SRGAP1: variants seen among roughly 807,000 people sequenced by gnomAD.
The protein encoded by SRGAP1 is SLIT-ROBO Rho GTPase-activating protein 1.
In SRGAP1, 43 loss-of-function variants were observed where a neutral mutation model predicts 121.9. The ratio of observed to expected loss-of-function variants is 0.35; its 90% CI spans 0.28 to 0.46. The LOEUF (loss-of-function observed/expected upper bound fraction) is 0.46, where lower values mean the gene tolerates loss of function less well. Ranked by LOEUF, SRGAP1 falls within the 20% of genes least tolerant of loss-of-function variation. SRGAP1 has a pLI of 1.00. For synonymous variants in SRGAP1, 447 were observed against 485.4 expected, an observed-to-expected ratio of 0.92 and a Z score of 1.04; for missense variants, 1,102 against 1,350.9, an observed-to-expected ratio of 0.82 and a Z score of 2.89.
chr12:63,963,475 T>C (rs2032701199), intron 1 of SRGAP1, among the ~76,000 whole-genome samples: 1 of 152,246 alleles, frequency 6.6e-6, no homozygotes, highest in Non-Finnish European at 1.5e-5. Context: ...GTGTACAATG[T>C]AGACTGATAA....
intron 1 of SRGAP1, among the ~76,000 whole-genome samples, chr12:63,895,253 A>G (rs1014354546): frequency 1.3e-5 from 2 of 152,168 alleles, no homozygotes; most frequent in Non-Finnish European, 2.9e-5. Context: ...CTTCTGATCA[A>G]TAGCTTATCT....
At chr12:64,064,794 C>T (rs2035508219) in intron 7 of SRGAP1, among the ~76,000 whole-genome samples, 1 of 152,176 alleles carries the variant, frequency 6.6e-6, no homozygotes. Context: ...TCTTCTGCCT[C>T]TGCAAAAGAG....
intron 18 of SRGAP1, among the ~76,000 whole-genome samples, chr12:64,116,953 C>T (rs921827411): frequency 1.3e-5 from 2 of 152,264 alleles, no homozygotes; most frequent in Admixed American, 1.3e-4. Context: ...GCAGGGTAAG[C>T]AGCTTTAGGG....
chr12:64,010,138 A>G (rs1195366435), intron 3 of SRGAP1, among the ~76,000 whole-genome samples: 3 of 152,144 alleles, frequency 2.0e-5, no homozygotes, highest in African/African-American at 7.2e-5. Flanking sequence ...CACTGCCATC[A>G]TCTGAAACCC....
intron 10 of SRGAP1, chr12:64,081,654 T>C (rs2035843885): frequency 1.3e-5 from 2 of 151,670 alleles, no homozygotes; most frequent in South Asian, 4.1e-4. Context: ...TAAATAATAT[T>C]ATTGAATTAG....
intron 1 of SRGAP1, among the ~76,000 whole-genome samples, chr12:63,902,127 C>A (rs1024346701): frequency 1.3e-5 from 2 of 152,124 alleles, no homozygotes; most frequent in Non-Finnish European, 2.9e-5. Context: ...CCAGCCTGGG[C>A]AACATGGTGA....
At chr12:63,850,932 G>A (rs1899054924) in intron 1 of SRGAP1, among the ~76,000 whole-genome samples, 1 of 152,088 alleles carries the variant, frequency 6.6e-6, no homozygotes, top group African/African-American at 2.4e-5. Context: ...GAGGCGGGTG[G>A]ATTGCTTGAG....
At chr12:63,884,672 C>G (rs1181179279) in intron 1 of SRGAP1, among the ~76,000 whole-genome samples, 1 of 151,864 alleles carries the variant, frequency 6.6e-6, no homozygotes, top group Non-Finnish European at 1.5e-5. Context: ...TACCCATTGA[C>G]CAACCTCTCC....
intron 1 of SRGAP1, among the ~76,000 whole-genome samples, chr12:63,904,668 C>T (rs2030113961): frequency 6.6e-6 from 1 of 152,162 alleles, no homozygotes; most frequent in Admixed American, 6.5e-5. Flanking sequence ...CAGTGGCTCA[C>T]ACCTATAATC....
At chr12:64,008,664 C>G (rs2034159956) in intron 3 of SRGAP1, among the ~76,000 whole-genome samples, 1 of 152,096 alleles carries the variant, frequency 6.6e-6, no homozygotes, top group Non-Finnish European at 1.5e-5. Flanking sequence ...GACTGTAAGG[C>G]CACTTTTCTT....
intron 1 of SRGAP1, among the ~76,000 whole-genome samples, chr12:63,981,941 C>T (rs1593002594): frequency 6.6e-6 from 1 of 151,610 alleles, no homozygotes; most frequent in South Asian, 2.1e-4. Context: ...TGGCCGGGCG[C>T]GGTGGCTCAC....
At chr12:64,059,490 C>T (rs977756955) in intron 6 of SRGAP1, among the ~76,000 whole-genome samples, 1 of 151,668 alleles carries the variant, frequency 6.6e-6, no homozygotes, top group Non-Finnish European at 1.5e-5. Context: ...TTTTAAGTCC[C>T]GTTGGAATCA....
At chr12:64,058,137 C>G (rs979722535) in intron 6 of SRGAP1, among the ~76,000 whole-genome samples, 2 of 152,164 alleles carry the variant, frequency 1.3e-5, no homozygotes, top group African/African-American at 4.8e-5. Context: ...CAGCATTTGT[C>G]ACAGTCCTCC....
chr12:64,052,505 A>G (rs531512826), intron 6 of SRGAP1, among the ~76,000 whole-genome samples: 32 of 152,150 alleles, frequency 2.1e-4, no homozygotes, highest in African/African-American at 7.5e-4. Flanking sequence ...CAGTGAGCCA[A>G]GATTGCGCCA....
chr12:63,982,475 C>T (rs1269163816), intron 1 of SRGAP1: 1 of 152,162 alleles, frequency 6.6e-6, no homozygotes, highest in Non-Finnish European at 1.5e-5. Flanking sequence ...AGCACATTTC[C>T]TGACTCCCCA....
At chr12:64,105,228 T>C (rs1336072648) in intron 15 of SRGAP1, among the ~76,000 whole-genome samples, 2 of 152,206 alleles carry the variant, frequency 1.3e-5, no homozygotes, top group African/African-American at 4.8e-5. Flanking sequence ...TGTTGCAGCA[T>C]GTGTCAGAAA....
At chr12:63,956,600 T>C (rs919081599) in intron 1 of SRGAP1, among the ~76,000 whole-genome samples, 1 of 152,158 alleles carries the variant, frequency 6.6e-6, no homozygotes, top group Admixed American at 6.5e-5. Context: ...AGAAAAACTT[T>C]TAAATATTAT....
intron 1 of SRGAP1, among the ~76,000 whole-genome samples, chr12:63,923,317 CA>C (rs1447840952): frequency 6.6e-6 from 1 of 152,166 alleles, no homozygotes; most frequent in East Asian, 1.9e-4. Context: ...ATTATATTTA[CA>C]ACAACATCAT....
At chr12:63,883,772 C>A (rs867682100) in intron 1 of SRGAP1, among the ~76,000 whole-genome samples, 2 of 151,438 alleles carry the variant, frequency 1.3e-5, no homozygotes, top group Admixed American at 6.6e-5. Context: ...CATTCTCCTG[C>A]CTCAGCCTCC....
Sources: allele counts gnomAD v4.1 joint callset (sites outside exome capture counted in the v4.1 genomes callset), GRCh38; gene constraint gnomAD v4.1.1; transcripts MANE v1.5; gene names NCBI Gene and HGNC (gene_info 2026-07-23, HGNC 2026-07-21).